The following PCDH7 variants were observed in gnomAD, a reference collection of about 807,000 sequenced individuals.
PCDH7 encodes protocadherin 7, also known as protocadherin-7.
PCDH7 carries 17 observed loss-of-function variants against 58.9 expected under a neutral mutation model. The observed-to-expected ratio is 0.29, with a 90% CI of 0.20 to 0.43. The LOEUF (loss-of-function observed/expected upper bound fraction) is 0.43. PCDH7 is among the 20% of genes least tolerant of loss of function. PCDH7 has a pLI of 1.00. For missense variants in PCDH7, 1,274 were observed against 1,441.0 expected (o/e 0.88, Z 1.88); for synonymous variants, 664 against 616.4 (o/e 1.08, Z -1.14).
At chr4:30,957,390 A>G (rs997798902) in intron 3 of PCDH7, among the ~76,000 whole-genome samples, 3 of 152,204 alleles carry the variant, frequency 2.0e-5, no homozygotes, top group African/African-American at 7.2e-5. Flanking sequence ...TTGTGGTCTT[A>G]GCTGAGTATA....
At chr4:31,075,274 G>A (rs140830312) in intron 3 of PCDH7, among the ~76,000 whole-genome samples, 9 of 152,092 alleles carry the variant, frequency 5.9e-5, no homozygotes, top group Non-Finnish European at 8.8e-5. Context: ...ACTAATTTTG[G>A]GGATGACATA....
chr4:30,871,177 A>G (rs1323093452), intron 1 of PCDH7, among the ~76,000 whole-genome samples: 5 of 152,116 alleles, frequency 3.3e-5, no homozygotes, highest in Non-Finnish European at 5.9e-5. Flanking sequence ...TTTTATGCTT[A>G]TTAGTTACTG....
chr4:31,111,266 G>C (rs1310385373), intron 3 of PCDH7, among the ~76,000 whole-genome samples: 1 of 151,090 alleles, frequency 6.6e-6, no homozygotes. Context: ...AACCTTTTCA[G>C]TAATTTACTA....
At chr4:30,942,057 T>C (rs1368409043) in intron 2 of PCDH7, among the ~76,000 whole-genome samples, 1 of 151,922 alleles carries the variant, frequency 6.6e-6, no homozygotes, top group Non-Finnish European at 1.5e-5. Context: ...TTATGCTACT[T>C]GATGACATGA....
At chr4:30,951,743 G>A (rs1747392573) in intron 3 of PCDH7, among the ~76,000 whole-genome samples, 1 of 152,068 alleles carries the variant, frequency 6.6e-6, no homozygotes, top group Non-Finnish European at 1.5e-5. Context: ...TATGTAATAG[G>A]TAAGAAAACT....
chr4:30,877,565 T>A (rs1459185199), intron 1 of PCDH7, among the ~76,000 whole-genome samples: 1 of 152,228 alleles, frequency 6.6e-6, no homozygotes, highest in East Asian at 1.9e-4. Context: ...CACCTATCCC[T>A]CTGTCTCCTT....
intron 3 of PCDH7, among the ~76,000 whole-genome samples, chr4:30,959,402 ATTATC>A (rs1748173628): frequency 6.6e-6 from 1 of 152,132 alleles, no homozygotes; most frequent in Non-Finnish European, 1.5e-5. Flanking sequence ...AGAGATACAT[ATTATC>A]TTGTCTTGTT....
Position 30,723,748 on chromosome 4 carries a change from A to AAT in PCDH7, c.2327_2328dup (p.Ala777MetfsTer4). 6.2e-7 allele frequency: 1 copy of AAT among 1,614,182 alleles called. No individual in the cohort carries two copies. Reference sequence around the variant, plus strand: ...GGCAACAGACAGTGATGATGGCATCAATGCAGACCTGAACTACAGCATTGT... The same window carrying AAT: ...GGCAACAGACAGTGATGATGGCATCAATATGCAGACCTGAACTACAGCATTGT... On this transcript the variant is annotated frameshift_variant, in exon 1 of 2. Coordinates refer to ENST00000361762, the Ensembl canonical transcript of PCDH7. LOFTEE classifies it high-confidence loss of function. This position sits in a 1 kb window ranked among gnomAD's most constrained non-coding sequence, Gnocchi z 4.6.
intron 3 of PCDH7, among the ~76,000 whole-genome samples, chr4:31,006,081 AG>A (rs1437190274): frequency 6.6e-6 from 1 of 152,216 alleles, no homozygotes; most frequent in Non-Finnish European, 1.5e-5. Flanking sequence ...ATACAAATAA[AG>A]GGCTAAATAA....
At chr4:30,775,236 T>C (rs562987057) in intron 1 of PCDH7, among the ~76,000 whole-genome samples, 2 of 152,284 alleles carry the variant, frequency 1.3e-5, no homozygotes, top group South Asian at 4.1e-4. Context: ...ATGACTAGCT[T>C]TTTAAAGTAA....
chr4:31,041,278 T>C (rs1413489926), intron 3 of PCDH7, among the ~76,000 whole-genome samples: 1 of 152,188 alleles, frequency 6.6e-6, no homozygotes, highest in Non-Finnish European at 1.5e-5. Context: ...TTTAGAATTG[T>C]TTGCTTGGTT....
intron 1 of PCDH7, among the ~76,000 whole-genome samples, chr4:30,787,776 T>C (rs552762387): frequency 1.3e-5 from 2 of 152,188 alleles, no homozygotes; most frequent in South Asian, 2.1e-4. Flanking sequence ...TATGCACTTA[T>C]GTGTGCGTGT....
At chr4:30,940,102 A>T (rs571799528) in intron 2 of PCDH7, among the ~76,000 whole-genome samples, 11 of 151,994 alleles carry the variant, frequency 7.2e-5, no homozygotes, top group African/African-American at 2.4e-4. Flanking sequence ...AAAAACAAAC[A>T]AACAAAAAAA....
intron 3 of PCDH7, among the ~76,000 whole-genome samples, chr4:31,017,884 A>G (rs1432415732): frequency 6.6e-6 from 1 of 152,086 alleles, no homozygotes; most frequent in East Asian, 1.9e-4. Context: ...CTAATACAGG[A>G]CTTCTTTTTT....
At chr4:30,811,601 A>G (rs150354431) in intron 1 of PCDH7, among the ~76,000 whole-genome samples, 2 of 152,342 alleles carry the variant, frequency 1.3e-5, no homozygotes, top group African/African-American at 4.8e-5. Context: ...AGCTTTGGTC[A>G]CATGATACTT....
At chr4:30,902,330 C>A (rs574847999) in intron 1 of PCDH7, among the ~76,000 whole-genome samples, 51 of 152,124 alleles carry the variant, frequency 3.4e-4, no homozygotes, top group African/African-American at 1.2e-3. Context: ...AAACTGAGTG[C>A]AGGTAATAAA....
intron 3 of PCDH7, among the ~76,000 whole-genome samples, chr4:31,062,506 T>C (rs549725860): frequency 7.9e-5 from 12 of 151,928 alleles, no homozygotes; most frequent in Admixed American, 7.9e-4. Context: ...CAAAAATTAA[T>C]AATCAGAAGG....
chr4:30,949,993 T>G (rs1747187322), intron 2 of PCDH7: 2 of 152,624 alleles, frequency 1.3e-5, no homozygotes, highest in African/African-American at 2.4e-5. Context: ...ATAGATTCTT[T>G]TTTTAAAGAA....
At chr4:31,015,629 C>T (rs1048674484) in intron 3 of PCDH7, among the ~76,000 whole-genome samples, 2 of 152,124 alleles carry the variant, frequency 1.3e-5, no homozygotes, top group Admixed American at 6.5e-5. Context: ...TCTGAACTCC[C>T]TCATAAGCCT....
Sources: allele counts gnomAD v4.1 joint callset (sites outside exome capture counted in the v4.1 genomes callset), GRCh38; gene constraint gnomAD v4.1.1; non-coding constraint Gnocchi (gnomAD v3.1); transcripts MANE v1.5; gene names NCBI Gene and HGNC (gene_info 2026-07-23, HGNC 2026-07-21).